The following CNTN5 variants were observed in gnomAD, a reference collection of about 807,000 sequenced individuals.
The protein encoded by CNTN5 is contactin-5.
A neutral mutation model predicts 129.1 loss-of-function variants in CNTN5; 77 were observed. The ratio of observed to expected loss-of-function variants is 0.60; its 90% CI spans 0.50 to 0.72. CNTN5 has a LOEUF of 0.72. CNTN5 is among the 30% of genes least tolerant of loss of function. The pLI is 0.00. For missense variants in CNTN5, 1,478 were observed against 1,328.8 expected, an observed-to-expected ratio of 1.11 and a Z score of -1.75; for synonymous variants, 509 against 465.6, an observed-to-expected ratio of 1.09 and a Z score of -1.20.
intron 3 of CNTN5, among the ~76,000 whole-genome samples, chr11:99,782,335 A>G (rs1217594062): frequency 6.7e-6 from 1 of 149,142 alleles, no homozygotes; most frequent in Non-Finnish European, 1.5e-5. Flanking sequence ...AGAGGATACA[A>G]ACAAATGGAA....
At chr11:99,087,836 T>G (rs1866062228) in intron 1 of CNTN5, among the ~76,000 whole-genome samples, 1 of 152,176 alleles carries the variant, frequency 6.6e-6, no homozygotes, top group South Asian at 2.1e-4. Context: ...TAAATAAATT[T>G]TATTTTCCCT....
At chr11:99,164,109 C>A (rs765030058) in intron 1 of CNTN5, among the ~76,000 whole-genome samples, 10 of 151,896 alleles carry the variant, frequency 6.6e-5, no homozygotes, top group Non-Finnish European at 1.0e-4. Context: ...GGGTGGATCA[C>A]GAGGTTAGGA....
intron 1 of CNTN5, among the ~76,000 whole-genome samples, chr11:99,176,641 G>A (rs1462664898): frequency 6.6e-6 from 1 of 152,160 alleles, no homozygotes; most frequent in Non-Finnish European, 1.5e-5. Context: ...CATTTCCAGT[G>A]TGTCAGCAAA....
At chr11:99,426,141 T>G (rs1399644587) in intron 2 of CNTN5, among the ~76,000 whole-genome samples, 1 of 152,200 alleles carries the variant, frequency 6.6e-6, no homozygotes, top group African/African-American at 2.4e-5. Context: ...TGTATGATTT[T>G]ATTATACCAA....
chr11:100,000,464 C>A (rs931870086), intron 8 of CNTN5, among the ~76,000 whole-genome samples: 1 of 152,212 alleles, frequency 6.6e-6, no homozygotes, highest in Admixed American at 6.5e-5. Context: ...CTCCCAAGGA[C>A]TTGGGCAGCT....
intron 9 of CNTN5, among the ~76,000 whole-genome samples, chr11:100,050,636 T>TA (rs569259073): frequency 8.1e-5 from 12 of 149,046 alleles, no homozygotes; most frequent in East Asian, 4.0e-4. Context: ...AATAATAAAA[T>TA]AAAAAAAAGA....
chr11:99,650,438 T>A (rs1952112475), intron 3 of CNTN5, among the ~76,000 whole-genome samples: 1 of 151,940 alleles, frequency 6.6e-6, no homozygotes, highest in South Asian at 2.1e-4. Flanking sequence ...TAATCATCTC[T>A]GCTACATGAG....
intron 2 of CNTN5, among the ~76,000 whole-genome samples, chr11:99,424,310 G>C (rs1943022680): frequency 6.6e-6 from 1 of 152,190 alleles, no homozygotes; most frequent in African/African-American, 2.4e-5. Context: ...AGCATAAGTG[G>C]AAATGCAGGA....
At chr11:99,079,268 T>C (rs959336402) in intron 1 of CNTN5, among the ~76,000 whole-genome samples, 8 of 152,066 alleles carry the variant, frequency 5.3e-5, no homozygotes, top group African/African-American at 1.7e-4. Context: ...CAACAGAAAA[T>C]TAAATCTCTA....
chr11:99,394,682 G>A (rs548446710), intron 2 of CNTN5, among the ~76,000 whole-genome samples: 9 of 151,342 alleles, frequency 5.9e-5, no homozygotes, highest in Middle Eastern at 3.4e-3. Context: ...CTTTCTGATC[G>A]TTTCCTTTCT....
At chr11:99,427,636 C>T (rs895279203) in intron 2 of CNTN5, among the ~76,000 whole-genome samples, 1 of 151,508 alleles carries the variant, frequency 6.6e-6, no homozygotes, top group Admixed American at 6.6e-5. Context: ...CATGGTGGCA[C>T]ACACCTGTAG....
At chr11:99,821,071 A>T (rs1946786313) in intron 4 of CNTN5, among the ~76,000 whole-genome samples, 1 of 152,188 alleles carries the variant, frequency 6.6e-6, no homozygotes, top group Admixed American at 6.5e-5. Flanking sequence ...TAAGTTTTTA[A>T]CTTTCTATTA....
intron 3 of CNTN5, among the ~76,000 whole-genome samples, chr11:99,561,412 A>G (rs985743843): frequency 5.3e-5 from 8 of 152,204 alleles, no homozygotes; most frequent in Non-Finnish European, 1.0e-4. Context: ...AATCAGGAAA[A>G]TTGATCAATC....
chr11:99,266,605 AAAT>A (rs1196100424), intron 1 of CNTN5, among the ~76,000 whole-genome samples: 3 of 152,122 alleles, frequency 2.0e-5, no homozygotes, highest in Non-Finnish European at 2.9e-5. Flanking sequence ...TTGTCTTAAA[AAAT>A]AATAATAAAT....
rs540537707 is a variant in CNTN5 at position 99,344,007 on chromosome 11, A to T, written c.-71+18523A>T. ...AATACAATGTGACTATTTATAAAAT[A>T]GCCTTCTCATATAGAGATAATACCT... On this transcript the variant is annotated intron_variant, in intron 2 of 24. Transcript: ENST00000524871. Among the ~76,000 whole-genome samples the T allele has an allele frequency of 6.6e-4, 100 of 152,368 alleles. 1 individual carries two copies. Among genetic ancestry groups the T allele is most frequent in the Non-Finnish European group, 5.3e-4 (36 of 68,038 alleles).
chr11:100,073,007 A>AAAACAAAAAAAAAAAAAC (rs1943988298), intron 12 of CNTN5, among the ~76,000 whole-genome samples: 1 of 151,314 alleles, frequency 6.6e-6, no homozygotes, highest in Non-Finnish European at 1.5e-5. Flanking sequence ...AAAAAAAAAA[A>AAAACAAAAAAAAAAAAAC]AAAAGTTACT....
At chr11:100,032,417 A>G (rs945654578) in intron 9 of CNTN5, among the ~76,000 whole-genome samples, 2 of 152,128 alleles carry the variant, frequency 1.3e-5, no homozygotes, top group African/African-American at 4.8e-5. Flanking sequence ...CAAAAAAGAC[A>G]GTTATAAATT....
intron 3 of CNTN5, among the ~76,000 whole-genome samples, chr11:99,767,274 C>G (rs1229006612): frequency 2.6e-5 from 4 of 151,782 alleles, no homozygotes; most frequent in African/African-American, 9.7e-5. Context: ...AAAACTAATG[C>G]CAAGTGGTAA....
intron 13 of CNTN5, among the ~76,000 whole-genome samples, chr11:100,149,688 C>T (rs112725606): frequency 2.6e-5 from 4 of 151,844 alleles, no homozygotes; most frequent in African/African-American, 4.8e-5. Flanking sequence ...GTCAGGAGAT[C>T]GAGACCATCC....
Sources: allele counts gnomAD v4.1 joint callset (sites outside exome capture counted in the v4.1 genomes callset), GRCh38; gene constraint gnomAD v4.1.1; transcripts MANE v1.5; gene names NCBI Gene and HGNC (gene_info 2026-07-23, HGNC 2026-07-21).